Variants in RGSL1 observed in about 807,000 individuals in gnomAD.
RGSL1 encodes regulator of G protein signaling protein-like.
Under a neutral mutation model 124.7 loss-of-function variants are expected in RGSL1, and 97 were observed. The ratio of observed to expected loss-of-function variants is 0.78; its 90% confidence interval spans 0.66 to 0.92. The LOEUF (loss-of-function observed/expected upper bound fraction) is 0.92. Among genes scored for constraint, RGSL1 ranks in the 40% least tolerant of loss-of-function variants. The probability of loss-of-function intolerance (pLI) is 0.00; values close to 1 mark genes in which losing one functional copy is unlikely to be tolerated. For synonymous variants in RGSL1, 424 were observed against 438.1 expected (o/e 0.97, Z 0.40); for missense variants, 1,233 against 1,288.4 (o/e 0.96, Z 0.66).
At chr1:182,517,283 T>TTG (rs1657970240) in intron 9 of RGSL1, among the ~76,000 whole-genome samples, 1 of 3,260 alleles carries the variant, frequency 3.1e-4, no homozygotes, top group Admixed American at 1.8e-3. Flanking sequence ...TCTATTTCTG[T>TTG]TTTTTTTTTT....
chr1:182,458,387 T>C lies in RGSL1; in HGVS notation c.165T>C (p.Cys55=). Residue 55 remains cysteine (C), a synonymous_variant, in exon 3 of 22, where the codon TGT becomes TGC. Coordinates refer to ENST00000294854, the MANE Select transcript of RGSL1 (RefSeq NM_001137669.2). ...GGAGCTTGTGGCCAGAAATACCTTGTAACTTGGTGAGTAAAATTCTTCAGA... is the reference window on the plus strand; with the variant it reads ...GGAGCTTGTGGCCAGAAATACCTTGCAACTTGGTGAGTAAAATTCTTCAGA... The part of the protein sequence containing the change: ...SQWSLWPEIP[C]NLIAKYKGLL... The C allele has an allele frequency of 1.3e-6, 2 of 1,551,646 alleles. No individual in the cohort carries two copies. Among genetic ancestry groups the C allele is most frequent in the Non-Finnish European group, 8.7e-7 (1 of 1,146,658 alleles).
chr1:182,473,066 G>C (rs633406), intron 5 of RGSL1, among the ~76,000 whole-genome samples: 13,037 of 152,118 alleles, frequency 0.086, 758 homozygotes, highest in East Asian at 0.26. Context: ...ATGTATACTT[G>C]TTTGTTCATT....
chr1:182,488,911 T>A lies in RGSL1; in HGVS notation c.1495-69T>A, dbSNP rs565709379. 23 of 1,278,994 alleles carry A rather than the reference T, an allele frequency of 1.8e-5. 1 individual carries two copies. In the South Asian group the frequency reaches 3.0e-4, roughly 17 times the overall value. The allele number at this position is 1,278,994 out of a possible 1,614,324, so 79.2% of individuals were successfully genotyped here. A position where few individuals can be genotyped will look rare whatever the true frequency, so the allele number is the denominator to read the frequency against. The stretch of plus-strand genomic sequence containing the variant: ...CAGGGAGGCATGGAGCACTGAGTTA[T>A]TACAAAATTATTGCTTCTGGTCTAG... On this transcript the variant is annotated intron_variant, in intron 7 of 21. Transcript: ENST00000294854.
intron 6 of RGSL1, among the ~76,000 whole-genome samples, chr1:182,482,501 A>AT (rs1260375122): frequency 6.6e-6 from 1 of 152,266 alleles, no homozygotes; most frequent in African/African-American, 2.4e-5. Context: ...ACATGATCTT[A>AT]TATGTAGATA....
At position 182,551,297 on chromosome 1, in the gene RGSL1, C is replaced by T. The variant is rs894372223; in HGVS notation, c.3043+88C>T. ...AGGGCCCAAGGGGCCAAATTCAAGA[C>T]TTCCTTGAGGGTGTTTGCTGGAGCC... is the stretch of plus-strand genomic sequence containing the variant. On this transcript the variant is annotated intron_variant, in intron 18 of 21. Coordinates refer to ENST00000294854, the MANE Select transcript of RGSL1 (RefSeq NM_001137669.2). 18 of 1,066,966 alleles carry T rather than the reference C, an allele frequency of 1.7e-5. No individual in the cohort carries two copies. In the African/African-American group the frequency reaches 2.7e-4, roughly 16 times the overall value. The allele number at this position is 1,066,966 out of a possible 1,614,324, so 66.1% of individuals were successfully genotyped here. A position where few individuals can be genotyped will look rare whatever the true frequency, so the allele number is the denominator to read the frequency against.
At chr1:182,488,937 T>G (rs1385607496) in intron 7 of RGSL1, 43 bp from the exon 8 acceptor site, 1 of 1,478,754 alleles carries the variant, frequency 6.8e-7, no homozygotes, top group Non-Finnish European at 9.2e-7. Flanking sequence ...TCTGGTCTAG[T>G]TCCTGTAACA....
chr1:182,450,272 A>G (rs1651707322), intron 1 of RGSL1, 94 bp downstream of exon 1: 1 of 1,418,642 alleles, frequency 7.0e-7, no homozygotes, highest in African/African-American at 1.4e-5. Context: ...TGAGCCATTC[A>G]GGGGCACCAT....
intron 10 of RGSL1, among the ~76,000 whole-genome samples, chr1:182,523,142 T>C (rs1287086262): frequency 1.3e-5 from 2 of 151,796 alleles, no homozygotes; most frequent in South Asian, 2.1e-4. Context: ...GCTCAAGTGA[T>C]CCACGTGCTT....
chr1:182,509,466 ACGGGGCGGCTGGCCAGGCGGG>A (rs1270764691), intron 9 of RGSL1, among the ~76,000 whole-genome samples: 13 of 54,548 alleles, frequency 2.4e-4, no homozygotes, highest in African/African-American at 1.1e-3. Context: ...TCCCTCCCGG[ACGGGGCGGCTGGCCAGGCGGG>A]GGGCTGACCC....
upstream of RGSL1, among the ~76,000 whole-genome samples, chr1:182,449,568 G>A (rs1651665902): frequency 6.6e-6 from 1 of 152,186 alleles, no homozygotes; most frequent in African/African-American, 2.4e-5. Flanking sequence ...GTTGTTTAAT[G>A]AGAAAACCAA....
At chr1:182,449,142 A>G (rs1014595175), upstream of RGSL1, 1 of 152,210 alleles carries the variant, frequency 6.6e-6, no homozygotes, top group African/African-American at 2.4e-5. Flanking sequence ...GAATAAGGTA[A>G]TTGATAACAG....
chr1:182,540,261 C>T lies in RGSL1; in HGVS notation c.2509C>T (p.His837Tyr). The part of the protein sequence containing the change: ...QNSKENFTTA[H>Y]NTSGRSAPPS... The stretch of plus-strand genomic sequence containing the variant: ...TTCTCTCTCAGATTTCACCACAGCA[C>T]ACAACACATCGGGACGTTCAGCTCC... The change falls in exon 15 of 22, where the codon CAC (histidine) becomes TAC (tyrosine). Residue 837 changes from histidine to tyrosine, a missense_variant. His to Tyr is a moderately conservative substitution (Grantham distance 83). Transcript: ENST00000294854. The T allele has an allele frequency of 6.5e-7, 1 of 1,549,758 alleles. No individual in the cohort carries two copies. The highest frequency in any genetic ancestry group is 8.7e-7 in the Non-Finnish European group (1 of 1,146,232).
Position 182,551,145 on chromosome 1 carries a change from G to A in RGSL1, c.2979G>A (p.Gly993=), listed in dbSNP as rs1558436033. The change falls in exon 18 of 22, where the codon GGG becomes GGA. Residue 993 remains glycine, a synonymous_variant. Coordinates refer to ENST00000294854, the MANE Select transcript of RGSL1 (RefSeq NM_001137669.2). ...CCCGCTCTTACTTACAGTATAGGGGGAAGAAGTTCAAGGACAGAAAAAGCC... is the reference window on the plus strand; with the variant it reads ...CCCGCTCTTACTTACAGTATAGGGGAAAGAAGTTCAAGGACAGAAAAAGCC... ...KATRSYLQYR[G]KKFKDRKSPP... 6.4e-7 allele frequency: 1 copy of A among 1,551,700 alleles called. No homozygotes were observed. The highest frequency in any genetic ancestry group is 8.7e-7 in the Non-Finnish European group (1 of 1,146,996).
rs181048849 is a variant in RGSL1, at chr1:182,496,143, G to T, written c.1825+3014G>T. Among the ~76,000 whole-genome samples, 596 of 152,134 alleles carry T rather than the reference G, an allele frequency of 3.9e-3. 23 individuals carry two copies. The highest frequency in any genetic ancestry group is 0.037 in the Admixed American group (561 of 15,268). The stretch of plus-strand genomic sequence containing the variant: ...TTTACAGTCATGACAGAAGGTGAAG[G>T]GGGAGCCAGAACTTCTCGTGGTTGG... On this transcript the variant is annotated intron_variant, in intron 9 of 21. Transcript: ENST00000294854.
chr1:182,522,241 T>TACAG (rs1216697412), intron 10 of RGSL1, 132 bp downstream of exon 10: 1 of 660,756 alleles, frequency 1.5e-6, no homozygotes, highest in East Asian at 2.8e-5. Flanking sequence ...TACATACAGG[T>TACAG]ACAGACACTC....
intron 15 of RGSL1, among the ~76,000 whole-genome samples, chr1:182,546,769 C>T (rs985282758): frequency 9.9e-5 from 15 of 152,162 alleles, no homozygotes; most frequent in African/African-American, 3.6e-4. Context: ...GAAATAATAA[C>T]TTTTCTTTAA....
In RGSL1 at chr1:182,548,345, A is replaced by G. The variant is rs1287411491; in HGVS notation, c.2698A>G (p.Met900Val). ...KFNDLVSSAH[M>V]LQVNRAYNEN... is the part of the protein sequence containing the mutation. ...TAATGATCTGGTCAGTTCAGCCCAC[A>G]TGCTGCAGGTCAACCGGGCATATAA... The change falls in exon 16 of 22, where the codon ATG becomes GTG. Residue 900 changes from methionine (M) to valine (V), a missense_variant. Physicochemically the swap from Met to Val is conservative, Grantham distance 21 (BLOSUM62 1). Coordinates refer to ENST00000294854, the MANE Select transcript of RGSL1 (RefSeq NM_001137669.2). The G allele has an allele frequency of 1.9e-6, 3 of 1,551,980 alleles. No homozygotes were observed. The highest frequency in any genetic ancestry group is 2.6e-6 in the Non-Finnish European group (3 of 1,147,082).
intron 17 of RGSL1, chr1:182,549,485 C>T (rs893307558): frequency 1.3e-5 from 2 of 152,400 alleles, no homozygotes; most frequent in African/African-American, 2.4e-5. Context: ...CTAACCTGTC[C>T]TGTGGAGATT....
rs1571737635 is a variant in RGSL1 at position 182,560,380 on chromosome 1, C to T, written c.*267C>T. On this transcript the variant is annotated 3_prime_UTR_variant, in exon 22 of 22. Transcript: ENST00000294854. ...GACCTGCTGTCATCTATATAGAAGC[C>T]TTTCTGATACATGTCAGAGAGTGAC... 1 of 152,288 alleles carries T rather than the reference C, an allele frequency of 6.6e-6. No individual in the cohort carries two copies. Among genetic ancestry groups the T allele is most frequent in the African/African-American group, 2.4e-5 (1 of 41,548 alleles). 9.4% of individuals were successfully genotyped at this position (152,288 alleles called of 1,614,324 possible).
Sources: allele counts gnomAD v4.1 joint callset (sites outside exome capture counted in the v4.1 genomes callset), GRCh38; gene constraint gnomAD v4.1.1; transcripts MANE v1.5; gene names NCBI Gene and HGNC (gene_info 2026-07-23, HGNC 2026-07-21).